Variants in DNAL1 observed in about 807,000 individuals in gnomAD.
DNAL1 encodes dynein axonemal light chain 1.
Under a neutral mutation model 29.4 loss-of-function variants are expected in DNAL1, and 17 were observed. That is an observed-to-expected ratio of 0.58 (90% CI 0.40 to 0.87). The LOEUF (loss-of-function observed/expected upper bound fraction) is 0.87. Ranked by LOEUF, DNAL1 falls within the 40% of genes least tolerant of loss-of-function variation. DNAL1 has a pLI of 0.00. For missense variants in DNAL1, 188 were observed against 214.1 expected, an observed-to-expected ratio of 0.88 and a Z score of 0.76; for synonymous variants, 78 against 76.3, an observed-to-expected ratio of 1.02 and a Z score of -0.12.
Position 73,673,402 on chromosome 14 carries a change from C to G in DNAL1, c.264+1805C>G, listed in dbSNP as rs146422157. 8.0e-3 allele frequency among the ~76,000 whole-genome samples: 1,223 copies of G among 152,034 alleles called. 23 individuals are homozygous for G. Among genetic ancestry groups the G allele is most frequent in the African/African-American group, 0.028 (1,160 of 41,462 alleles). Reference sequence around the variant, plus strand: ...TATTCCATAAAATGTAATAAATACCCAGAGACCACAAATAAATTATAAATA... The same window carrying G: ...TATTCCATAAAATGTAATAAATACCGAGAGACCACAAATAAATTATAAATA... On this transcript the variant is annotated intron_variant, in intron 5 of 7. Coordinates refer to ENST00000553645, the MANE Select transcript of DNAL1 (RefSeq NM_031427.4).
chr14:73,663,283 A>G (rs1405418886), intron 4 of DNAL1, among the ~76,000 whole-genome samples: 2 of 142,692 alleles, frequency 1.4e-5, no homozygotes, highest in African/African-American at 5.3e-5. Flanking sequence ...TCAGCTCACT[A>G]CAACCTCCGC....
intron 1 of DNAL1, among the ~76,000 whole-genome samples, chr14:73,650,037 A>T (rs944420281): frequency 6.6e-6 from 1 of 152,132 alleles, no homozygotes; most frequent in Admixed American, 6.5e-5. Context: ...AGGCTGGAGT[A>T]TAGTAGCATA....
chr14:73,685,401 C>T lies in DNAL1; in HGVS notation c.265-1858C>T, dbSNP rs142802438. 2.6e-3 allele frequency among the ~76,000 whole-genome samples: 388 copies of T among 151,754 alleles called. 9 individuals are homozygous for T. Among genetic ancestry groups the T allele is most frequent in the Admixed American group, 0.022 (332 of 15,238 alleles). ...TTTGTGACTGGCTTATTTAACTTAG[C>T]GTAATATCCTCAAGTTTCATCCATG... On this transcript the variant is annotated intron_variant, in intron 5 of 7. Transcript: ENST00000553645.
intron 4 of DNAL1, 64 bp downstream of exon 4, chr14:73,662,106 G>A: frequency 7.3e-7 from 1 of 1,368,048 alleles, no homozygotes; most frequent in East Asian, 2.5e-5. Flanking sequence ...ACATTCCGGA[G>A]ACAATATGTA....
chr14:73,682,252 C>G (rs1306387511), intron 5 of DNAL1, among the ~76,000 whole-genome samples: 1 of 147,258 alleles, frequency 6.8e-6, no homozygotes, highest in Non-Finnish European at 1.5e-5. Flanking sequence ...TTCACTGCAA[C>G]CTCTGCCTCC....
At chr14:73,689,284 GT>G in intron 6 of DNAL1, 90 bp from the exon 7 acceptor site, 1 of 1,460,100 alleles carries the variant, frequency 6.8e-7, no homozygotes, top group Non-Finnish European at 9.3e-7. Context: ...CGCCCGCCTT[GT>G]CCCCCCAAAG....
At chr14:73,689,056 CAG>C (rs1892097044) in intron 6 of DNAL1, among the ~76,000 whole-genome samples, 2 of 102,958 alleles carry the variant, frequency 1.9e-5, no homozygotes, top group Non-Finnish European at 3.5e-5. Flanking sequence ...TTTTTTGAGA[CAG>C]AGTCGTGCTC....
At position 73,679,326 on chromosome 14, in the gene DNAL1, T is replaced by A. The variant is rs538786707; in HGVS notation, c.264+7729T>A. Among the ~76,000 whole-genome samples, 10 of 152,304 alleles carry A rather than the reference T, an allele frequency of 6.6e-5. No individual in the cohort carries two copies. In the South Asian group the frequency reaches 1.0e-3, roughly 16 times the overall value. ...TTGTTTTTATACTTGTTGGTTTTTT[T>A]AAATCTTGTGTACATTTTTAATACT... On this transcript the variant is annotated intron_variant, in intron 5 of 7. Transcript: ENST00000553645.
intron 7 of DNAL1, among the ~76,000 whole-genome samples, chr14:73,693,445 A>G (rs776122576): frequency 8.5e-5 from 13 of 152,242 alleles, no homozygotes; most frequent in East Asian, 1.9e-4. Flanking sequence ...AATAGAATAC[A>G]TAGATAAAAT....
At position 73,702,214 on chromosome 14, in the gene DNAL1, T is replaced by C. The variant is rs111888281; in HGVS notation, c.*6272T>C. The C allele has an allele frequency of 0.12, 17,818 of 152,076 alleles. 1,615 individuals are homozygous for C. The highest frequency in any genetic ancestry group is 0.25 in the African/African-American group (10,353 of 41,424). The allele number at this position is 152,076 out of a possible 1,614,324, so 9.4% of individuals were successfully genotyped here. On this transcript the variant is annotated 3_prime_UTR_variant, in exon 8 of 8. Coordinates refer to ENST00000553645, the MANE Select transcript of DNAL1 (RefSeq NM_031427.4). ...GGAGTGCACTGGCACAATCTCGGCT[T>C]ACTGCAACCTCCACCTCCCGTGTTC...
intron 6 of DNAL1, among the ~76,000 whole-genome samples, chr14:73,688,999 C>T (rs1383975826): frequency 6.6e-6 from 1 of 151,210 alleles, no homozygotes; most frequent in Non-Finnish European, 1.5e-5. Context: ...GAATTTAATC[C>T]CCAAAATTGT....
intron 3 of DNAL1, 57 bp from the exon 4 acceptor site, chr14:73,661,930 A>G: frequency 8.2e-7 from 1 of 1,216,998 alleles, no homozygotes; most frequent in Non-Finnish European, 1.2e-6. Flanking sequence ...TTAAGGAATA[A>G]TTTCTGATTT....
intron 4 of DNAL1, among the ~76,000 whole-genome samples, chr14:73,669,035 A>G (rs1378632922): frequency 2.0e-5 from 3 of 152,076 alleles, no homozygotes; most frequent in Admixed American, 6.6e-5. Context: ...GCCTCTTGTT[A>G]CAAGGATACC....
chr14:73,660,669 G>A (rs1891320561), intron 3 of DNAL1, among the ~76,000 whole-genome samples: 2 of 152,148 alleles, frequency 1.3e-5, no homozygotes, highest in Admixed American at 1.3e-4. Context: ...TTTAGCTTTT[G>A]TACGCAGCTT....
At chr14:73,661,105 A>G (rs1315821891) in intron 3 of DNAL1, among the ~76,000 whole-genome samples, 1 of 151,972 alleles carries the variant, frequency 6.6e-6, no homozygotes, top group African/African-American at 2.4e-5. Context: ...CGGAGGTCGC[A>G]GTGAACTGAG....
At chr14:73,662,807 CTTT>C (rs61249050) in intron 4 of DNAL1, among the ~76,000 whole-genome samples, 49 of 135,248 alleles carry the variant, frequency 3.6e-4, no homozygotes, top group African/African-American at 4.4e-4. Context: ...CTGCAAAGTA[CTTT>C]TTTTTTTTTT....
intron 5 of DNAL1, among the ~76,000 whole-genome samples, chr14:73,682,141 C>T (rs1431486201): frequency 6.7e-6 from 1 of 148,350 alleles, no homozygotes; most frequent in Non-Finnish European, 1.5e-5. Context: ...TTTATTTCTT[C>T]AATAAGAAAT....
chr14:73,692,801 T>G lies in DNAL1; in HGVS notation c.533-3101T>G, dbSNP rs530832396. On this transcript the variant is annotated intron_variant, in intron 7 of 7. Transcript: ENST00000553645. ...GCCACAGCTGCAAACTTGCCCATTT[T>G]TGTTTCTCTTCTGTTGCTCATAAGC... 1.6e-4 allele frequency among the ~76,000 whole-genome samples: 25 copies of G among 152,132 alleles called. 1 individual carries two copies. The South Asian group carries it at 5.2e-3, about 32-fold the overall frequency.
chr14:73,655,128 C>T (rs1172993232), intron 2 of DNAL1, among the ~76,000 whole-genome samples: 1 of 151,996 alleles, frequency 6.6e-6, no homozygotes, highest in African/African-American at 2.4e-5. Flanking sequence ...TGAATAAAAT[C>T]AGTGGATTGT....
Sources: allele counts gnomAD v4.1 joint callset (sites outside exome capture counted in the v4.1 genomes callset), GRCh38; gene constraint gnomAD v4.1.1; transcripts MANE v1.5; gene names NCBI Gene and HGNC (gene_info 2026-07-23, HGNC 2026-07-21).